The following STX8 variants were observed in gnomAD, a reference collection of about 807,000 sequenced individuals.
STX8 encodes the protein syntaxin-8.
STX8 carries 23 observed loss-of-function variants against 37.5 expected under a neutral mutation model. The ratio of observed to expected loss-of-function variants is 0.61; its 90% CI spans 0.44 to 0.87. The LOEUF (loss-of-function observed/expected upper bound fraction) is 0.87, where lower values mean the gene tolerates loss of function less well. Among genes scored for constraint, STX8 ranks in the 40% least tolerant of loss-of-function variants. The pLI is 0.00. For synonymous variants in STX8, 115 were observed against 99.1 expected (o/e 1.16, Z -0.95); for missense variants, 313 against 284.7 (o/e 1.10, Z -0.71).
rs866311887 is a variant in STX8, at chr17:9,286,819, G to A, written c.644-36174C>T. ...CAAAACCCCAGAGACTCAGAAAAAGGGTGGCGTGGTAGTAGAAACAGTGGG... is the reference window on the plus strand; with the variant it reads ...CAAAACCCCAGAGACTCAGAAAAAGAGTGGCGTGGTAGTAGAAACAGTGGG... On this transcript the variant is annotated intron_variant, in intron 7 of 7. Coordinates refer to ENST00000306357, the MANE Select transcript of STX8 (RefSeq NM_004853.3). Among the ~76,000 whole-genome samples the A allele has an allele frequency of 5.9e-5, 9 of 152,234 alleles. No individual in the cohort carries two copies. In the South Asian group the frequency reaches 1.2e-3, roughly 21 times the overall value.
intron 4 of STX8, among the ~76,000 whole-genome samples, chr17:9,520,221 G>A (rs992493748): frequency 1.3e-5 from 2 of 152,042 alleles, no homozygotes; most frequent in Non-Finnish European, 2.9e-5. Flanking sequence ...TTTTTATCTT[G>A]AAATGTTTTT....
chr17:9,414,071 C>CAGCCAATCATCTATCCACCCACCT (rs1913079264), intron 6 of STX8, among the ~76,000 whole-genome samples: 2 of 124,482 alleles, frequency 1.6e-5, no homozygotes, highest in Non-Finnish European at 1.7e-5. Flanking sequence ...TCCATCCATC[C>CAGCCAATCATCTATCCACCCACCT]ACCCATCTGT....
chr17:9,517,672 G>C (rs1267161931), intron 4 of STX8, among the ~76,000 whole-genome samples: 1 of 151,682 alleles, frequency 6.6e-6, no homozygotes, highest in Non-Finnish European at 1.5e-5. Flanking sequence ...AAGGTAAGGA[G>C]GTTGAGCACA....
chr17:9,324,180 T>G (rs1909679644), intron 7 of STX8, among the ~76,000 whole-genome samples: 1 of 151,748 alleles, frequency 6.6e-6, no homozygotes, highest in Non-Finnish European at 1.5e-5. Flanking sequence ...ACTCCAGTTG[T>G]ACGTGTATGT....
At chr17:9,562,554 G>T (rs1050047504) in intron 2 of STX8, among the ~76,000 whole-genome samples, 3 of 150,800 alleles carry the variant, frequency 2.0e-5, no homozygotes, top group African/African-American at 4.9e-5. Context: ...AGACTAAAAA[G>T]GCTAATAATC....
intron 6 of STX8, among the ~76,000 whole-genome samples, chr17:9,429,956 A>T (rs1367312515): frequency 6.8e-4 from 1 of 1,476 alleles, no homozygotes; most frequent in East Asian, 0.014. Flanking sequence ...TATTATATAT[A>T]ATATATATAT....
intron 6 of STX8, among the ~76,000 whole-genome samples, chr17:9,393,860 C>T (rs1003087180): frequency 2.0e-5 from 3 of 152,068 alleles, no homozygotes; most frequent in African/African-American, 7.2e-5. Context: ...ACAAAAGAAA[C>T]ACAAGGAAGT....
intron 4 of STX8, among the ~76,000 whole-genome samples, chr17:9,519,011 C>T (rs1410398682): frequency 6.6e-6 from 1 of 152,106 alleles, no homozygotes; most frequent in African/African-American, 2.4e-5. Context: ...TGCTCTCCTT[C>T]CTAGCAGGAC....
intron 7 of STX8, among the ~76,000 whole-genome samples, chr17:9,347,563 T>G (rs1450120535): frequency 6.6e-6 from 1 of 152,204 alleles, no homozygotes; most frequent in Non-Finnish European, 1.5e-5. Flanking sequence ...TTCCCCAGAC[T>G]GGAGTGCAGT....
At chr17:9,340,946 C>T (rs988289849) in intron 7 of STX8, among the ~76,000 whole-genome samples, 3 of 148,158 alleles carry the variant, frequency 2.0e-5, no homozygotes, top group Non-Finnish European at 4.5e-5. Flanking sequence ...CGTGGGCCAC[C>T]GCACCCAGCT....
At chr17:9,341,430 A>C (rs1258042543) in intron 7 of STX8, among the ~76,000 whole-genome samples, 1 of 152,060 alleles carries the variant, frequency 6.6e-6, no homozygotes, top group East Asian at 1.9e-4. Context: ...GCCACAAGAC[A>C]TGACTTTTTT....
chr17:9,292,762 A>C (rs1469584534), intron 7 of STX8, among the ~76,000 whole-genome samples: 1 of 152,170 alleles, frequency 6.6e-6, no homozygotes, highest in South Asian at 2.1e-4. Flanking sequence ...GAAGCAGCAG[A>C]ATTTCCTCTT....
intron 7 of STX8, among the ~76,000 whole-genome samples, chr17:9,338,829 T>C (rs965145984): frequency 6.6e-6 from 1 of 152,098 alleles, no homozygotes; most frequent in African/African-American, 2.4e-5. Context: ...CCCAGCACTT[T>C]GGGAGGCTGA....
chr17:9,495,366 C>CAGA (rs1339825306), intron 5 of STX8, among the ~76,000 whole-genome samples: 1 of 152,100 alleles, frequency 6.6e-6, no homozygotes, highest in African/African-American at 2.4e-5. Flanking sequence ...TAGTAAAATT[C>CAGA]TAAATGCATC....
intron 7 of STX8, among the ~76,000 whole-genome samples, chr17:9,259,512 C>G (rs565335588): frequency 6.6e-6 from 1 of 152,282 alleles, no homozygotes; most frequent in South Asian, 2.1e-4. Flanking sequence ...GCAATTCTCT[C>G]CGAGGCCCGG....
intron 7 of STX8, among the ~76,000 whole-genome samples, chr17:9,259,989 G>A (rs1386396875): frequency 2.6e-5 from 4 of 152,080 alleles, no homozygotes; most frequent in Admixed American, 1.3e-4. Flanking sequence ...AGGTCACGGC[G>A]GGTGGATTGC....
At chr17:9,544,324 C>T (rs1016719017) in intron 4 of STX8, among the ~76,000 whole-genome samples, 2 of 152,144 alleles carry the variant, frequency 1.3e-5, no homozygotes, top group Non-Finnish European at 2.9e-5. Context: ...TCATCAACCT[C>T]AGCCTTGGAA....
intron 6 of STX8, among the ~76,000 whole-genome samples, chr17:9,428,310 G>T (rs577284871): frequency 3.9e-5 from 6 of 152,222 alleles, no homozygotes; most frequent in African/African-American, 9.6e-5. Flanking sequence ...GCGCGATCTC[G>T]GCTCACTGCA....
intron 6 of STX8, among the ~76,000 whole-genome samples, chr17:9,441,529 C>G (rs17741774): frequency 0.043 from 6,452 of 151,770 alleles, 171 homozygotes; most frequent in Middle Eastern, 0.11. Context: ...TCCTTATATC[C>G]TTTGACCTTG....
Sources: gnomAD v4.1 joint callset for allele counts (sites outside exome capture counted in the v4.1 genomes callset) on GRCh38, gnomAD v4.1.1 for gene constraint, MANE v1.5 for transcripts, NCBI Gene and HGNC (gene_info 2026-07-23, HGNC 2026-07-21) for gene names.